Variants in FLT3 observed in about 807,000 individuals in gnomAD.
FLT3 encodes fms related receptor tyrosine kinase 3.
A neutral mutation model predicts 126.6 loss-of-function variants in FLT3; 46 were observed. The observed-to-expected ratio is 0.36, with a 90% confidence interval of 0.29 to 0.46. The LOEUF is 0.46. FLT3 is among the 20% of genes least tolerant of loss of function. FLT3 has a pLI of 1.00. For missense variants in FLT3, 1,069 were observed against 1,190.3 expected (o/e 0.90, Z 1.50); for synonymous variants, 404 against 434.4 (o/e 0.93, Z 0.87).
chr13:28,093,021 A>G (rs989931025), intron 1 of FLT3, among the ~76,000 whole-genome samples: 1 of 149,932 alleles, frequency 6.7e-6, no homozygotes, highest in Non-Finnish European at 1.5e-5. Context: ...TCCCAGACTC[A>G]AGCAATTCTC....
intron 20 of FLT3, among the ~76,000 whole-genome samples, chr13:28,016,332 G>A (rs745761603): frequency 3.3e-5 from 5 of 151,778 alleles, no homozygotes; most frequent in South Asian, 4.2e-4. Context: ...GTGCAATGGC[G>A]CTATCTCAGC....
intron 18 of FLT3, among the ~76,000 whole-genome samples, 161 bp downstream of exon 18, chr13:28,024,700 T>C (rs1484167976): frequency 6.6e-6 from 1 of 152,256 alleles, no homozygotes. Context: ...AGTTGAATGT[T>C]GACATAAAAT....
At chr13:28,065,645 G>GTAATAA (rs35748326) in intron 2 of FLT3, among the ~76,000 whole-genome samples, 1,340 of 108,268 alleles carry the variant, frequency 0.012, 99 homozygotes, top group African/African-American at 0.042. Flanking sequence ...TTGTCTCAAA[G>GTAATAA]TAATAATAAT....
At chr13:28,025,804 C>T (rs1281775170) in intron 17 of FLT3, among the ~76,000 whole-genome samples, 1 of 152,034 alleles carries the variant, frequency 6.6e-6, no homozygotes, top group Non-Finnish European at 1.5e-5. Context: ...GTGTGACGGG[C>T]ATGCATAGGT....
chr13:28,072,302 GCTAA>G (rs1443205303), intron 1 of FLT3, among the ~76,000 whole-genome samples: 2 of 151,836 alleles, frequency 1.3e-5, no homozygotes, highest in African/African-American at 4.8e-5. Context: ...CCCCAAACAA[GCTAA>G]CTAACCTATC....
chr13:28,095,687 C>A (rs1251932802), intron 1 of FLT3, among the ~76,000 whole-genome samples: 1 of 152,002 alleles, frequency 6.6e-6, no homozygotes, highest in Admixed American at 6.6e-5. Context: ...AAATCTTTGC[C>A]CAAAGATTAA....
intron 15 of FLT3, among the ~76,000 whole-genome samples, chr13:28,030,295 G>A (rs373976122): frequency 2.0e-5 from 3 of 152,132 alleles, no homozygotes; most frequent in Non-Finnish European, 2.9e-5. Context: ...ACAGGGATTC[G>A]GGGCTTTACT....
chr13:28,049,238 TC>T (rs1276516838), intron 8 of FLT3, 145 bp downstream of exon 8: 7 of 807,688 alleles, frequency 8.7e-6, no homozygotes, highest in Admixed American at 5.0e-5. Flanking sequence ...GGGCAGATTA[TC>T]TTTGCAAAGC....
intron 1 of FLT3, among the ~76,000 whole-genome samples, chr13:28,080,252 T>C (rs1878232397): frequency 6.6e-6 from 1 of 152,242 alleles, no homozygotes; most frequent in African/African-American, 2.4e-5. Context: ...GGCGCATTCC[T>C]GTAATCCCAG....
At chr13:28,031,770 C>A (rs921263533) in intron 15 of FLT3, among the ~76,000 whole-genome samples, 1 of 152,254 alleles carries the variant, frequency 6.6e-6, no homozygotes, top group Non-Finnish European at 1.5e-5. Context: ...AGAAGGCCAG[C>A]GCTCTGGGGT....
intron 9 of FLT3, among the ~76,000 whole-genome samples, chr13:28,046,833 C>T (rs1264264574): frequency 6.6e-6 from 1 of 152,060 alleles, no homozygotes. Flanking sequence ...TAGGATCAAG[C>T]GATCCACCCG....
intron 1 of FLT3, among the ~76,000 whole-genome samples, chr13:28,092,915 CTTTT>C (rs780584936): frequency 1.1e-5 from 1 of 89,828 alleles, no homozygotes; most frequent in Non-Finnish European, 2.0e-5. Context: ...CCAGAGACTA[CTTTT>C]TTTTTTTTTT....
At chr13:28,083,974 A>AT (rs1258894366) in intron 1 of FLT3, among the ~76,000 whole-genome samples, 3 of 149,454 alleles carry the variant, frequency 2.0e-5, no homozygotes, top group African/African-American at 7.4e-5. Flanking sequence ...TTTTTCTTTG[A>AT]TTTTTCACCC....
At chr13:28,083,604 G>C (rs1177993468) in intron 1 of FLT3, among the ~76,000 whole-genome samples, 2 of 152,176 alleles carry the variant, frequency 1.3e-5, no homozygotes, top group South Asian at 2.1e-4. Context: ...TTCCCAGTGA[G>C]AGCCATCTGC....
At chr13:28,013,834 T>C (rs868772492) in intron 23 of FLT3, among the ~76,000 whole-genome samples, 7 of 152,352 alleles carry the variant, frequency 4.6e-5, no homozygotes, top group South Asian at 2.1e-4. Flanking sequence ...AAAGGGCTAG[T>C]GGCTTCTGGA....
chr13:28,074,215 A>G (rs1428022228), intron 1 of FLT3, among the ~76,000 whole-genome samples: 2 of 152,018 alleles, frequency 1.3e-5, no homozygotes, highest in Non-Finnish European at 1.5e-5. Flanking sequence ...TTTTTTTGAT[A>G]TTTGTCCATA....
intron 11 of FLT3, 60 bp downstream of exon 11, chr13:28,035,875 G>A: frequency 2.9e-6 from 4 of 1,360,760 alleles, no homozygotes; most frequent in Non-Finnish European, 4.2e-6. Context: ...TCATGAAAGA[G>A]TCAATAGGTC....
At chr13:28,086,233 G>A (rs1380862194) in intron 1 of FLT3, among the ~76,000 whole-genome samples, 2 of 151,970 alleles carry the variant, frequency 1.3e-5, no homozygotes, top group East Asian at 3.9e-4. Context: ...TTCCTTTTGT[G>A]GATTATTAGC....
At chr13:28,099,028 A>G (rs1879651948) in intron 1 of FLT3, among the ~76,000 whole-genome samples, 1 of 152,330 alleles carries the variant, frequency 6.6e-6, no homozygotes, top group East Asian at 1.9e-4. Flanking sequence ...GGGCACGTAC[A>G]TATGTGAAAA....
Sources: gnomAD v4.1 joint callset for allele counts (sites outside exome capture counted in the v4.1 genomes callset) on GRCh38, gnomAD v4.1.1 for gene constraint, MANE v1.5 for transcripts, NCBI Gene and HGNC (gene_info 2026-07-23, HGNC 2026-07-21) for gene names.